LIMS1: variants seen among roughly 807,000 people sequenced by gnomAD.
LIMS1 encodes the protein LIM zinc finger domain containing 1, also known as LIM and senescent cell antigen-like-containing domain protein 1.
LIMS1 carries 18 observed loss-of-function variants against 44.1 expected under a neutral mutation model. The observed-to-expected ratio is 0.41, with a 90% confidence interval of 0.28 to 0.61. The LOEUF (loss-of-function observed/expected upper bound fraction) is 0.61, where lower values mean the gene tolerates loss of function less well. LIMS1 is among the 20% of genes least tolerant of loss of function. The pLI is 0.32. For missense variants in LIMS1, 201 were observed against 422.0 expected (o/e 0.48, Z 4.59); for synonymous variants, 93 against 149.1 (o/e 0.62, Z 2.74).
intron 1 of LIMS1, among the ~76,000 whole-genome samples, chr2:108,624,572 C>T (rs1267197507): frequency 4.0e-5 from 6 of 151,580 alleles, no homozygotes; most frequent in African/African-American, 9.7e-5. Flanking sequence ...GTCTGGCCAA[C>T]GTGGTGAAAC....
At chr2:108,670,746 T>C (rs1227862862) in intron 2 of LIMS1, 35 bp from the exon 3 acceptor site, 19 of 1,611,876 alleles carry the variant, frequency 1.2e-5, no homozygotes, top group Non-Finnish European at 1.4e-5. Flanking sequence ...TGTGATTGTT[T>C]CGTGTTTGTA....
intron 1 of LIMS1, among the ~76,000 whole-genome samples, chr2:108,584,431 A>G (rs1267326368): frequency 6.6e-6 from 1 of 151,590 alleles, no homozygotes; most frequent in Non-Finnish European, 1.5e-5. Flanking sequence ...CCTGTTCCTT[A>G]TTAGAGGTAA....
intron 3 of LIMS1, among the ~76,000 whole-genome samples, chr2:108,671,780 G>A (rs1185316914): frequency 6.6e-6 from 1 of 152,208 alleles, no homozygotes; most frequent in East Asian, 1.9e-4. Context: ...GCTAGATTCA[G>A]AGATGACACA....
At chr2:108,675,849 A>G (rs1558842394) in intron 5 of LIMS1, 29 bp from the exon 6 acceptor site, 2 of 1,613,892 alleles carry the variant, frequency 1.2e-6, no homozygotes, top group Non-Finnish European at 1.7e-6. Context: ...CTCTCTTAGT[A>G]TTAAGCTGTG....
chr2:108,669,140 C>T (rs1468661451), intron 2 of LIMS1, among the ~76,000 whole-genome samples: 4 of 152,202 alleles, frequency 2.6e-5, no homozygotes, highest in Admixed American at 2.6e-4. Flanking sequence ...GACATAGTAG[C>T]TCACACCTGT....
intron 1 of LIMS1, among the ~76,000 whole-genome samples, chr2:108,642,102 C>G (rs1385265340): frequency 6.6e-6 from 1 of 152,152 alleles, no homozygotes; most frequent in African/African-American, 2.4e-5. Context: ...GGAGAAGCTT[C>G]ATCTAGTAGT....
intron 1 of LIMS1, among the ~76,000 whole-genome samples, chr2:108,558,291 C>T (rs568241855): frequency 2.6e-5 from 4 of 151,522 alleles, no homozygotes; most frequent in South Asian, 4.2e-4. Flanking sequence ...AATCTTGGCT[C>T]ACTGCAAGCT....
At chr2:108,558,888 C>A (rs1236439597) in intron 1 of LIMS1, among the ~76,000 whole-genome samples, 1 of 151,820 alleles carries the variant, frequency 6.6e-6, no homozygotes, top group Non-Finnish European at 1.5e-5. Context: ...CCAGGCTGGT[C>A]CCAAACTCCT....
intron 8 of LIMS1, among the ~76,000 whole-genome samples, chr2:108,680,327 A>G (rs1573629514): frequency 6.8e-6 from 1 of 146,356 alleles, no homozygotes; most frequent in East Asian, 2.0e-4. Context: ...TGATTGCGCC[A>G]CTGCACTCCA....
chr2:108,664,159 AGACC>A (rs371704400), intron 2 of LIMS1, among the ~76,000 whole-genome samples: 2,751 of 152,286 alleles, frequency 0.018, 36 homozygotes, highest in Non-Finnish European at 0.025. Flanking sequence ...CTGAAATGGA[AGACC>A]CTTCCAACCA....
Position 108,599,252 on chromosome 2 carries a change from T to C in LIMS1, c.33-60353T>C, listed in dbSNP as rs1387711370. On this transcript the variant is annotated intron_variant, in intron 1 of 9. Coordinates refer to ENST00000544547, the Ensembl canonical transcript of LIMS1. Reference sequence around the variant, plus strand: ...CTCTGTGTCCATGAGTTAAATTGTTTTGATTTTTAGATCCCAAAAATAAGT... The same window carrying C: ...CTCTGTGTCCATGAGTTAAATTGTTCTGATTTTTAGATCCCAAAAATAAGT... Among the ~76,000 whole-genome samples, 4 of 152,302 alleles carry C rather than the reference T, an allele frequency of 2.6e-5. No individual in the cohort carries two copies. The East Asian group carries it at 7.7e-4, about 29-fold the overall frequency.
At chr2:108,605,581 G>A (rs375487180) in intron 1 of LIMS1, among the ~76,000 whole-genome samples, 2 of 152,106 alleles carry the variant, frequency 1.3e-5, no homozygotes. Flanking sequence ...TTCCAAAAAT[G>A]TCTGCCCAGT....
At chr2:108,672,198 T>C in intron 3 of LIMS1, 127 bp from the exon 4 acceptor site, 1 of 1,143,686 alleles carries the variant, frequency 8.7e-7, no homozygotes, top group Non-Finnish European at 1.2e-6. Flanking sequence ...AGTTCCTCTA[T>C]TGAGAAAGGC....
chr2:108,580,108 A>G lies in LIMS1; in HGVS notation c.32+45514A>G, dbSNP rs1292202218. Reference sequence around the variant, plus strand: ...GAAGCTTCAAAGAAATTTACTGGAAAAATACTGGGGTTGCTCCCAGAATTG... The same window carrying G: ...GAAGCTTCAAAGAAATTTACTGGAAGAATACTGGGGTTGCTCCCAGAATTG... On this transcript the variant is annotated intron_variant, in intron 1 of 9. Transcript: ENST00000544547. 2.0e-5 allele frequency among the ~76,000 whole-genome samples: 3 copies of G among 152,196 alleles called. No homozygotes were observed. In the South Asian group the frequency reaches 6.2e-4, roughly 31 times the overall value.
chr2:108,621,463 TG>T (rs1558813638), intron 1 of LIMS1: 7 of 1,549,198 alleles, frequency 4.5e-6, no homozygotes, highest in Non-Finnish European at 6.1e-6. Context: ...AGAGCTAAGG[TG>T]AGTGCAAAGT....
intron 1 of LIMS1, among the ~76,000 whole-genome samples, chr2:108,561,016 CCT>C (rs1445504421): frequency 2.6e-5 from 4 of 152,104 alleles, no homozygotes; most frequent in Non-Finnish European, 5.9e-5. Context: ...AGGTTGAGCC[CCT>C]GTCTTTCCTG....
chr2:108,598,208 G>A (rs10199284), intron 1 of LIMS1, among the ~76,000 whole-genome samples: 62,198 of 151,010 alleles, frequency 0.41, 14,701 homozygotes, highest in East Asian at 0.94. Flanking sequence ...TGTGTAAGTA[G>A]CTGGCTCAAA....
chr2:108,552,513 A>T (rs536646793), intron 1 of LIMS1, among the ~76,000 whole-genome samples: 69 of 146,876 alleles, frequency 4.7e-4, no homozygotes, highest in Non-Finnish European at 7.8e-4. Flanking sequence ...TAAATAAAAT[A>T]TATAAATATA....
At chr2:108,676,342 T>A (rs1692563695) in intron 6 of LIMS1, among the ~76,000 whole-genome samples, 1 of 152,210 alleles carries the variant, frequency 6.6e-6, no homozygotes, top group Admixed American at 6.5e-5. Flanking sequence ...CAGCAGCAGC[T>A]CCTCCTTTAT....
Sources: gnomAD v4.1 joint callset for allele counts (sites outside exome capture counted in the v4.1 genomes callset) on GRCh38, gnomAD v4.1.1 for gene constraint, MANE v1.5 for transcripts, NCBI Gene and HGNC (gene_info 2026-07-23, HGNC 2026-07-21) for gene names.